SLC26A7: variants seen among roughly 807,000 people sequenced by gnomAD.
SLC26A7 encodes the protein anion exchange transporter.
SLC26A7 carries 59 observed loss-of-function variants against 82.5 expected under a neutral mutation model. The observed-to-expected ratio is 0.72, with a 90% CI of 0.58 to 0.89. The LOEUF (loss-of-function observed/expected upper bound fraction) is 0.89. SLC26A7 is among the 40% of genes least tolerant of loss of function. SLC26A7 has a pLI of 0.00. For synonymous variants in SLC26A7, 271 were observed against 274.3 expected (o/e 0.99, Z 0.12); for missense variants, 820 against 793.0 (o/e 1.03, Z -0.41).
intron 2 of SLC26A7, among the ~76,000 whole-genome samples, chr8:91,236,405 C>A (rs973234069): frequency 2.0e-5 from 3 of 152,094 alleles, no homozygotes; most frequent in African/African-American, 7.2e-5. Flanking sequence ...TGGTATGTTT[C>A]TTTAATAAAA....
At chr8:91,388,992 CTT>C (rs1442697870) in intron 15 of SLC26A7, among the ~76,000 whole-genome samples, 1 of 152,058 alleles carries the variant, frequency 6.6e-6, no homozygotes, top group Non-Finnish European at 1.5e-5. Flanking sequence ...TGTCTAGAGA[CTT>C]TGCTTCTGTC....
At chr8:91,359,873 GAT>G (rs754648517) in intron 11 of SLC26A7, among the ~76,000 whole-genome samples, 73 of 126,624 alleles carry the variant, frequency 5.8e-4, no homozygotes, top group Non-Finnish European at 1.1e-3. Context: ...AATTATCCAA[GAT>G]ATGTGTGTGT....
At chr8:91,238,995 C>G (rs1040446241) in intron 2 of SLC26A7, among the ~76,000 whole-genome samples, 2 of 152,104 alleles carry the variant, frequency 1.3e-5, no homozygotes, top group Non-Finnish European at 2.9e-5. Context: ...ATATTTATTA[C>G]TTTATTTTGG....
chr8:91,247,804 G>A (rs577940925), upstream of SLC26A7, among the ~76,000 whole-genome samples: 13 of 152,048 alleles, frequency 8.5e-5, no homozygotes, highest in South Asian at 2.7e-3. Flanking sequence ...GATGTTGATT[G>A]GTGATTTCAG....
chr8:91,245,757 A>C (rs1353943257), upstream of SLC26A7, among the ~76,000 whole-genome samples: 1 of 152,192 alleles, frequency 6.6e-6, no homozygotes, highest in East Asian at 1.9e-4. Context: ...CTCAGAAACC[A>C]TTAAATGTGA....
At chr8:91,236,937 T>A (rs936726160) in intron 2 of SLC26A7, among the ~76,000 whole-genome samples, 4 of 152,214 alleles carry the variant, frequency 2.6e-5, no homozygotes, top group African/African-American at 9.6e-5. Flanking sequence ...GTAACAACAT[T>A]TGTGCTTTGT....
In SLC26A7 at chr8:91,342,536, A is replaced by C. The variant is rs1813449745; in HGVS notation, c.1027-817A>C. On this transcript the variant is annotated intron_variant, in intron 8 of 18. Coordinates refer to ENST00000276609, the MANE Select transcript of SLC26A7 (RefSeq NM_052832.4). ...GGATTCTGGATTGGATATGGGTGCC[A>C]TTCGGGAAAAGAAGGAGCAGAAAAA... 2.0e-5 allele frequency among the ~76,000 whole-genome samples: 3 copies of C among 152,332 alleles called. No individual in the cohort carries two copies. In the South Asian group the frequency reaches 6.2e-4, roughly 32 times the overall value.
chr8:91,374,129 G>T (rs1465375176), intron 15 of SLC26A7, among the ~76,000 whole-genome samples: 5 of 151,242 alleles, frequency 3.3e-5, no homozygotes, highest in South Asian at 2.1e-4. Flanking sequence ...TTTTCTTTTG[G>T]TTTATCTAGC....
chr8:91,277,368 C>A (rs1269576593), intron 2 of SLC26A7, among the ~76,000 whole-genome samples: 1 of 152,184 alleles, frequency 6.6e-6, no homozygotes, highest in Non-Finnish European at 1.5e-5. Flanking sequence ...TTCAATACTG[C>A]ATCCCCATTT....
At chr8:91,223,879 A>G (rs892873513) in intron 2 of SLC26A7, among the ~76,000 whole-genome samples, 4 of 151,426 alleles carry the variant, frequency 2.6e-5, no homozygotes, top group African/African-American at 9.7e-5. Flanking sequence ...ATTCCTTTTT[A>G]TTCTTTTTTT....
At chr8:91,261,972 A>C (rs1415595078) in intron 2 of SLC26A7, among the ~76,000 whole-genome samples, 1 of 152,044 alleles carries the variant, frequency 6.6e-6, no homozygotes, top group Non-Finnish European at 1.5e-5. Flanking sequence ...AGTAGAAGAG[A>C]GTAAAACGTA....
At chr8:91,235,734 T>C (rs1563637883) in intron 2 of SLC26A7, among the ~76,000 whole-genome samples, 1 of 152,206 alleles carries the variant, frequency 6.6e-6, no homozygotes. Flanking sequence ...CAACAATCAT[T>C]GATTAATAAC....
chr8:91,357,806 A>G (rs989880186), intron 11 of SLC26A7, among the ~76,000 whole-genome samples: 4 of 152,330 alleles, frequency 2.6e-5, no homozygotes, highest in Admixed American at 1.3e-4. Context: ...AGAAACTACC[A>G]TCAGAGTGAA....
intron 6 of SLC26A7, 52 bp from the exon 7 acceptor site, chr8:91,338,098 T>C: frequency 7.4e-7 from 1 of 1,347,398 alleles, no homozygotes; most frequent in Non-Finnish European, 1.0e-6. Context: ...TTAAGGTGTT[T>C]GAGAGGTCAG....
chr8:91,335,382 CAT>C (rs1460386139), intron 6 of SLC26A7, among the ~76,000 whole-genome samples: 2 of 152,052 alleles, frequency 1.3e-5, no homozygotes, highest in East Asian at 1.9e-4. Context: ...ATTTATATAA[CAT>C]ATGTGATTTA....
At chr8:91,359,073 GT>G (rs1238570172) in intron 11 of SLC26A7, among the ~76,000 whole-genome samples, 2 of 152,096 alleles carry the variant, frequency 1.3e-5, no homozygotes, top group Non-Finnish European at 2.9e-5. Flanking sequence ...AGAACTTAAA[GT>G]ATAATAAAAA....
At chr8:91,271,626 G>A (rs13272438) in intron 2 of SLC26A7, among the ~76,000 whole-genome samples, 12,226 of 134,486 alleles carry the variant, frequency 0.091, 780 homozygotes, top group African/African-American at 0.19. Flanking sequence ...ACGGAGTCTC[G>A]CTCTGTCGCC....
chr8:91,244,424 G>C (rs1395905606), upstream of SLC26A7, among the ~76,000 whole-genome samples: 1 of 136,042 alleles, frequency 7.4e-6, no homozygotes, highest in African/African-American at 2.7e-5. Flanking sequence ...TGATTTCTTT[G>C]AAAATGTCTT....
chr8:91,216,187 A>G (rs1810043472), intron 1 of SLC26A7, among the ~76,000 whole-genome samples: 1 of 152,178 alleles, frequency 6.6e-6, no homozygotes, highest in African/African-American at 2.4e-5. Flanking sequence ...ACTTCTAAAA[A>G]TCTCACCAAA....
Sources: gnomAD v4.1 joint callset for allele counts (sites outside exome capture counted in the v4.1 genomes callset) on GRCh38, gnomAD v4.1.1 for gene constraint, MANE v1.5 for transcripts, NCBI Gene and HGNC (gene_info 2026-07-23, HGNC 2026-07-21) for gene names.